The following PDCD2 variants were observed in gnomAD, a reference collection of about 807,000 sequenced individuals.
The protein encoded by PDCD2 is programmed cell death 2.
PDCD2 carries 38 observed loss-of-function variants against 38.1 expected under a neutral mutation model. That is an observed-to-expected ratio of 1.00 (90% CI 0.77 to 1.31). The LOEUF (loss-of-function observed/expected upper bound fraction) is 1.31. PDCD2 is among the 50% of genes most tolerant of loss of function. The probability of loss-of-function intolerance (pLI) is 0.00; values close to 1 mark genes in which losing one functional copy is unlikely to be tolerated. For missense variants in PDCD2, 473 were observed against 435.7 expected (o/e 1.09, Z -0.76); for synonymous variants, 205 against 168.9 (o/e 1.21, Z -1.66).
rs755188301 is a variant in PDCD2 at position 170,580,035 on chromosome 6, C to A, written c.729G>T (p.Lys243Asn). 1.4e-5 allele frequency: 23 copies of A among 1,609,746 alleles called. No homozygotes were observed. The highest frequency in any genetic ancestry group is 1.9e-5 in the Non-Finnish European group (22 of 1,176,292). The change falls in exon 4 of 6, where the codon AAG becomes AAT. Residue 243 changes from lysine to asparagine, a missense_variant. Lys to Asn is a moderately conservative substitution (Grantham distance 94). Coordinates refer to ENST00000541970, the MANE Select transcript of PDCD2 (RefSeq NM_002598.4). ...HESREDKIFQ[K>N]FKTQIALEPE... ...GTTCAAGGGCTATCTGAGTTTTAAA[C>A]TTCTGAAAAATTTTATCTTCCCTGG...
intron 3 of PDCD2, chr6:170,581,879 C>T (rs865992808): frequency 5.2e-5 from 17 of 329,994 alleles, no homozygotes; most frequent in South Asian, 2.8e-4. Flanking sequence ...TATATGACTA[C>T]ATCAAGAGTT....
chr6:170,583,390 G>A lies in PDCD2; in HGVS notation c.526+115C>T, dbSNP rs950062068. ...TTTTTTACAAAGGTGTTCCAGGCAT[G>A]AAAAATTTTAAAGTACTATACCTTT... On this transcript the variant is annotated intron_variant, in intron 2 of 5. Coordinates refer to ENST00000541970, the MANE Select transcript of PDCD2 (RefSeq NM_002598.4). The A allele has an allele frequency of 5.1e-6, 6 of 1,167,784 alleles. No homozygotes were observed. The Admixed American group carries it at 1.3e-4, about 26-fold the overall frequency. 72.3% of individuals were successfully genotyped at this position (1,167,784 alleles called of 1,614,324 possible).
At position 170,583,562 on chromosome 6, in the gene PDCD2, T is replaced by C. The variant is rs1419466134; in HGVS notation, c.469A>G (p.Lys157Glu). ...SRCHKAYYCSKEHQTLDWRLG... is the reference protein window; with the variant it reads ...SRCHKAYYCSEEHQTLDWRLG... ...CTCCAGTCTAGGGTCTGATGCTCCTTGCTGCAGTAATATGCTTTGTGGCAT... is the reference window on the plus strand; with the variant it reads ...CTCCAGTCTAGGGTCTGATGCTCCTCGCTGCAGTAATATGCTTTGTGGCAT... The change falls in exon 2 of 6, where the codon AAG (lysine) becomes GAG (glutamate). Residue 157 changes from lysine to glutamate, a missense_variant. Transcript: ENST00000541970. 5 of 1,613,756 alleles carry C rather than the reference T, an allele frequency of 3.1e-6. No individual in the cohort carries two copies. The African/African-American group carries it at 6.7e-5, about 22-fold the overall frequency.
chr6:170,582,790 T>C (rs1056210287), intron 3 of PDCD2: 2 of 1,292,174 alleles, frequency 1.5e-6, no homozygotes, highest in Non-Finnish European at 2.0e-6. Context: ...CAGAGGAACT[T>C]ACCAAGCCTC....
In PDCD2 at chr6:170,576,902, A is replaced by T. The variant is rs1397380063; in HGVS notation, c.*657T>A. 1 of 152,132 alleles carries T rather than the reference A, an allele frequency of 6.6e-6. No individual in the cohort carries two copies. The highest frequency in any genetic ancestry group is 1.5e-5 in the Non-Finnish European group (1 of 68,046). 9.4% of individuals were successfully genotyped at this position (152,132 alleles called of 1,614,324 possible). On this transcript the variant is annotated 3_prime_UTR_variant, in exon 6 of 6. Transcript: ENST00000541970. ...GATCACAAAGCCACTGTTGTTCCTC[A>T]TCCTGCCAACTGTGATACTGCTGCT...
At chr6:170,581,409 A>G (rs1779592228) in intron 3 of PDCD2, 1 of 152,146 alleles carries the variant, frequency 6.6e-6, no homozygotes, top group Non-Finnish European at 1.5e-5. Context: ...AACATATCTG[A>G]TGCAGTTAGC....
At chr6:170,582,019 C>A in intron 3 of PDCD2, 2 of 1,193,346 alleles carry the variant, frequency 1.7e-6, no homozygotes, top group Non-Finnish European at 2.2e-6. Context: ...CATCCTTGAT[C>A]CTGCTACTCT....
In PDCD2 at chr6:170,578,934, TC is replaced by T. The variant is rs1779520505; in HGVS notation, c.798del (p.Trp266Ter). On this transcript the variant is annotated frameshift_variant, in exon 5 of 6. Transcript: ENST00000541970. LOFTEE classifies it high-confidence loss of function. ...LRYGRGIAPI[W>X]ISGENIPQEK... ...TCTTGAGGAATATTTTCACCAGAAA[TC>T]CAGATGGGGGCAATACCTCTGCCAT... 2 of 1,604,870 alleles carry T rather than the reference TC, an allele frequency of 1.2e-6. No homozygotes were observed. The highest frequency in any genetic ancestry group is 8.5e-7 in the Non-Finnish European group (1 of 1,176,982).
At chr6:170,578,061 A>C (rs1386543475) in intron 5 of PDCD2, among the ~76,000 whole-genome samples, 1 of 152,238 alleles carries the variant, frequency 6.6e-6, no homozygotes, top group African/African-American at 2.4e-5. Context: ...CTCAAGAAAC[A>C]CTAATTACTA....
At chr6:170,582,900 AG>A in intron 3 of PDCD2, 156 bp downstream of exon 3, 1 of 1,461,906 alleles carries the variant, frequency 6.8e-7, no homozygotes, top group Non-Finnish European at 9.0e-7. Flanking sequence ...AACAAAGTCC[AG>A]GAAGTATATT....
intron 3 of PDCD2, chr6:170,581,323 T>G (rs1349817858): frequency 2.0e-5 from 3 of 152,288 alleles, no homozygotes; most frequent in South Asian, 2.1e-4. Flanking sequence ...TTTACCAATT[T>G]GAAAATGAGT....
intron 3 of PDCD2, chr6:170,582,022 G>GCTA (rs1562368701): frequency 8.2e-7 from 1 of 1,216,928 alleles, no homozygotes; most frequent in African/African-American, 1.5e-5. Flanking sequence ...CCTTGATCCT[G>GCTA]CTACTCTAGG....
Position 170,577,487 on chromosome 6 carries a change from A to G in PDCD2, c.*72T>C. The G allele has an allele frequency of 1.5e-6, 2 of 1,297,866 alleles. No individual in the cohort carries two copies. The highest frequency in any genetic ancestry group is 2.2e-6 in the Non-Finnish European group (2 of 919,926). 80.4% of individuals were successfully genotyped at this position (1,297,866 alleles called of 1,614,324 possible). ...CTATTTTTGGTATAAGTATTTCCTTAGGATAAAATCCCAGAAATGGAATTG... is the reference window on the plus strand; with the variant it reads ...CTATTTTTGGTATAAGTATTTCCTTGGGATAAAATCCCAGAAATGGAATTG... On this transcript the variant is annotated 3_prime_UTR_variant, in exon 6 of 6. Coordinates refer to ENST00000541970, the MANE Select transcript of PDCD2 (RefSeq NM_002598.4).
chr6:170,581,099 C>G (rs998779545), intron 3 of PDCD2: 2 of 152,102 alleles, frequency 1.3e-5, no homozygotes, highest in Non-Finnish European at 2.9e-5. Flanking sequence ...TTTTTCTATT[C>G]AATTCTCCTT....
chr6:170,582,269 T>A, intron 3 of PDCD2: 1 of 1,488,540 alleles, frequency 6.7e-7, no homozygotes, highest in Non-Finnish European at 9.1e-7. Context: ...TATATCCCTG[T>A]TATCAAGCAC....
At position 170,577,354 on chromosome 6, in the gene PDCD2, C is replaced by A. The variant is rs1779473544; in HGVS notation, c.*205G>T. On this transcript the variant is annotated 3_prime_UTR_variant, in exon 6 of 6. Coordinates refer to ENST00000541970, the MANE Select transcript of PDCD2 (RefSeq NM_002598.4). ...AGGTGTTATAATTAAGACTGTGTAG[C>A]CTTCCTCTGTGGATGTACCAAAATT... 4 of 529,890 alleles carry A rather than the reference C, an allele frequency of 7.5e-6. No homozygotes were observed. The highest frequency in any genetic ancestry group is 1.4e-5 in the Non-Finnish European group (4 of 295,200). The allele number at this position is 529,890 out of a possible 1,614,324, so 32.8% of individuals were successfully genotyped here.
At chr6:170,579,842 C>T (rs1583140144) in intron 4 of PDCD2, 160 bp downstream of exon 4, 2 of 573,920 alleles carry the variant, frequency 3.5e-6, no homozygotes, top group East Asian at 2.9e-5. Context: ...TTCTACATGG[C>T]CCATCTGTGT....
chr6:170,582,664 A>G, intron 3 of PDCD2: 2 of 1,209,262 alleles, frequency 1.7e-6, no homozygotes, highest in Non-Finnish European at 2.1e-6. Context: ...TAAACTGACA[A>G]AATTGTGTAT....
At chr6:170,580,694 G>C (rs571343384) in intron 3 of PDCD2, among the ~76,000 whole-genome samples, 1 of 151,784 alleles carries the variant, frequency 6.6e-6, no homozygotes, top group Non-Finnish European at 1.5e-5. Flanking sequence ...CAGCCTGGGC[G>C]ACAGAGTGAG....
Sources: allele counts gnomAD v4.1 joint callset (sites outside exome capture counted in the v4.1 genomes callset), GRCh38; gene constraint gnomAD v4.1.1; transcripts MANE v1.5; gene names NCBI Gene and HGNC (gene_info 2026-07-23, HGNC 2026-07-21).